The following RNF212B variants were observed in gnomAD, a reference collection of about 807,000 sequenced individuals.
The protein encoded by RNF212B is E3 ubiquitin-protein ligase RNF212B.
RNF212B carries 52 observed loss-of-function variants against 55.5 expected under a neutral mutation model. That is an observed-to-expected ratio of 0.94 (90% CI 0.75 to 1.18). The LOEUF is 1.18. RNF212B is among the 50% of genes most tolerant of loss of function. The pLI, the probability that RNF212B is intolerant of heterozygous loss-of-function variation, is 0.00. For missense variants in RNF212B, 289 were observed against 350.4 expected (o/e 0.82, Z 1.40); for synonymous variants, 99 against 121.4 (o/e 0.82, Z 1.21).
intron 2 of RNF212B, among the ~76,000 whole-genome samples, chr14:23,196,015 G>A (rs551276917): frequency 6.6e-6 from 1 of 152,240 alleles, no homozygotes; most frequent in African/African-American, 2.4e-5. Flanking sequence ...TGTCTCAGTT[G>A]CTTTCAATCA....
chr14:23,223,010 C>T lies in RNF212B; in HGVS notation c.-1-17335C>T, dbSNP rs1039222741. Among the ~76,000 whole-genome samples the T allele has an allele frequency of 4.8e-5, 7 of 144,840 alleles. 1 individual carries two copies. Among genetic ancestry groups the T allele is most frequent in the South Asian group, 4.4e-4 (2 of 4,550 alleles). ...CAAAGGTTGCAGTGAGCCAAAATTG[C>T]GCCATTGAACTCCAGCTTGGGCAAC... On this transcript the variant is annotated intron_variant, in intron 2 of 15. Coordinates refer to the RNF212B transcript ENST00000399910.
In RNF212B at chr14:23,195,803, A is replaced by G. The variant is rs575932901; in HGVS notation, c.-2+2402A>G. ...TGTAACAAGGAATTTCATCATGTTT[A>G]ATTTCGTTTAACCTTCCAAACAACC... On this transcript the variant is annotated intron_variant, in intron 2 of 15. Coordinates refer to the RNF212B transcript ENST00000399910. Among the ~76,000 whole-genome samples, 11 of 152,286 alleles carry G rather than the reference A, an allele frequency of 7.2e-5. No homozygotes were observed. In the South Asian group the frequency reaches 2.1e-3, roughly 29 times the overall value.
chr14:23,262,979 A>G lies in RNF212B; in HGVS notation c.524+9A>G. On this transcript the variant is annotated intron_variant, in intron 9 of 14. Transcript: ENST00000430154. ...AGCAGTCAAGTGGTCAGGTAAACCT[A>G]CACAGCAACATTAAAACTGTTGGCA... 1.1e-5 allele frequency: 17 copies of G among 1,549,702 alleles called. No homozygotes were observed. The highest frequency in any genetic ancestry group is 1.5e-5 in the Non-Finnish European group (17 of 1,146,170).
At chr14:23,197,344 T>G (rs1171419752) in intron 2 of RNF212B, among the ~76,000 whole-genome samples, 1 of 152,102 alleles carries the variant, frequency 6.6e-6, no homozygotes, top group African/African-American at 2.4e-5. Context: ...CTGGCCAACA[T>G]GGTGAAACCC....
Position 23,219,026 on chromosome 14 carries a change from A to G in RNF212B, c.-1-21319A>G, listed in dbSNP as rs138988759. 1.8e-3 allele frequency among the ~76,000 whole-genome samples: 275 copies of G among 152,330 alleles called. 6 individuals carry two copies. In the East Asian group the frequency reaches 0.023, roughly 13 times the overall value. Reference sequence around the variant, plus strand: ...TTTCAGTGAAGACTTACAAGCCCGGAGAGAGTGGCATGACATATTTAAAAT... The same window carrying G: ...TTTCAGTGAAGACTTACAAGCCCGGGGAGAGTGGCATGACATATTTAAAAT... On this transcript the variant is annotated intron_variant, in intron 2 of 15. Transcript: ENST00000399910.
intron 2 of RNF212B, among the ~76,000 whole-genome samples, chr14:23,204,814 T>C (rs1879671738): frequency 6.6e-6 from 1 of 152,154 alleles, no homozygotes; most frequent in Non-Finnish European, 1.5e-5. Flanking sequence ...GGATTGTGTA[T>C]GGTCATTTTC....
rs376326530 is a variant in RNF212B, at chr14:23,220,418, G to T, written c.-1-19927G>T. Among the ~76,000 whole-genome samples, 18 of 152,110 alleles carry T rather than the reference G, an allele frequency of 1.2e-4. No homozygotes were observed. The East Asian group carries it at 2.1e-3, about 18-fold the overall frequency. On this transcript the variant is annotated intron_variant, in intron 2 of 15. Transcript: ENST00000399910. Reference sequence around the variant, plus strand: ...CTGGTGGTGCACACCTGTAGTTCCAGCTACTTGGGAGGCTGAGACACAAGA... The same window carrying T: ...CTGGTGGTGCACACCTGTAGTTCCATCTACTTGGGAGGCTGAGACACAAGA...
chr14:23,224,414 A>G (rs1257860035), intron 2 of RNF212B, among the ~76,000 whole-genome samples: 1 of 152,208 alleles, frequency 6.6e-6, no homozygotes, highest in Non-Finnish European at 1.5e-5. Flanking sequence ...ACATAGACCA[A>G]TGGAACAAAC....
chr14:23,269,897 T>A lies in RNF212B; in HGVS notation c.709T>A (p.Ser237Thr). The A allele has an allele frequency of 1.3e-6, 2 of 1,549,788 alleles. No homozygotes were observed. The highest frequency in any genetic ancestry group is 1.7e-6 in the Non-Finnish European group (2 of 1,146,308). ...TGCCTCCTCTGGACAGGGGATTTTT[T>A]CTTTCAGACCATCCCCAAATGGGCA... ...SSASSGQGIF[S>T]FRPSPNGHSG... Residue 237 changes from serine (S) to threonine (T), a missense_variant, in exon 13 of 15, where the codon TCT becomes ACT. Coordinates refer to ENST00000430154, the MANE Select transcript of RNF212B (RefSeq NM_001282322.3).
chr14:23,212,764 C>A (rs1002638977), intron 2 of RNF212B, among the ~76,000 whole-genome samples: 1 of 151,830 alleles, frequency 6.6e-6, no homozygotes, highest in African/African-American at 2.4e-5. Flanking sequence ...CCTCAGCTTC[C>A]CAAAGTGCTG....
intron 2 of RNF212B, among the ~76,000 whole-genome samples, chr14:23,197,170 C>A (rs1878801702): frequency 6.6e-6 from 1 of 152,182 alleles, no homozygotes; most frequent in Non-Finnish European, 1.5e-5. Flanking sequence ...GCTAAAAAAT[C>A]ATATTTAAGT....
In RNF212B at chr14:23,265,358, T is replaced by A. The variant is rs554508110; in HGVS notation, c.634+687T>A. Among the ~76,000 whole-genome samples, 3 of 152,326 alleles carry A rather than the reference T, an allele frequency of 2.0e-5. No individual in the cohort carries two copies. In the South Asian group the frequency reaches 6.2e-4, roughly 32 times the overall value. ...GGTATCTGGCTTCTTTGCTGTGTTT[T>A]AAACATAAAAATATTCCAGTGAAGG... On this transcript the variant is annotated intron_variant, in intron 11 of 14. Coordinates refer to ENST00000430154, the MANE Select transcript of RNF212B (RefSeq NM_001282322.3).
chr14:23,264,814 C>A (rs59063249), intron 11 of RNF212B, 143 bp downstream of exon 11: 13,634 of 361,360 alleles, frequency 0.038, 1,701 homozygotes, highest in African/African-American at 0.27. Flanking sequence ...ACATATATTA[C>A]AAGGTTTTTT....
At chr14:23,185,911 G>A (rs1227097829) in intron 1 of RNF212B, among the ~76,000 whole-genome samples, 1 of 152,068 alleles carries the variant, frequency 6.6e-6, no homozygotes, top group Non-Finnish European at 1.5e-5. Context: ...ACCAGACTGG[G>A]CAATGTGGTG....
intron 2 of RNF212B, among the ~76,000 whole-genome samples, chr14:23,224,637 A>C (rs1207660101): frequency 2.0e-5 from 3 of 152,232 alleles, no homozygotes; most frequent in Non-Finnish European, 4.4e-5. Flanking sequence ...TAAGACCTCA[A>C]ACTATGAAAC....
chr14:23,252,840 A>G (rs1884516084), intron 4 of RNF212B, among the ~76,000 whole-genome samples: 2 of 152,172 alleles, frequency 1.3e-5, no homozygotes, highest in Non-Finnish European at 2.9e-5. Context: ...TATTCTATTT[A>G]TGAGAACAAT....
At chr14:23,226,826 T>TTTTA (rs1555313758) in intron 2 of RNF212B, among the ~76,000 whole-genome samples, 14 of 145,278 alleles carry the variant, frequency 9.6e-5, no homozygotes, top group African/African-American at 2.3e-4. Context: ...TTTTTTTTTT[T>TTTTA]AATAGAGAGG....
chr14:23,243,379 C>T, intron 3 of RNF212B, 71 bp downstream of exon 3: 3 of 1,270,638 alleles, frequency 2.4e-6, no homozygotes, highest in Non-Finnish European at 2.2e-6. Context: ...ATACAAAGTA[C>T]AGATGATGAA....
intron 2 of RNF212B, among the ~76,000 whole-genome samples, chr14:23,205,560 A>T (rs1459032257): frequency 1.3e-5 from 2 of 152,210 alleles, no homozygotes; most frequent in Non-Finnish European, 2.9e-5. Context: ...TAACTGAGAC[A>T]GTGGAAAAAG....
Sources: gnomAD v4.1 joint callset for allele counts (sites outside exome capture counted in the v4.1 genomes callset) on GRCh38, gnomAD v4.1.1 for gene constraint, MANE v1.5 for transcripts, NCBI Gene and HGNC (gene_info 2026-07-23, HGNC 2026-07-21) for gene names.